Variants in LRP1B observed in about 807,000 individuals in gnomAD.
LRP1B encodes the protein low-density lipoprotein receptor-related protein 1B.
LRP1B carries 217 observed loss-of-function variants against 556.6 expected under a neutral mutation model. That is an observed-to-expected ratio of 0.39 (90% CI 0.35 to 0.44). The LOEUF (loss-of-function observed/expected upper bound fraction) is 0.44. Ranked by LOEUF, LRP1B falls within the 20% of genes least tolerant of loss-of-function variation. The pLI is 1.00. For missense variants in LRP1B, 5,053 were observed against 5,620.8 expected (o/e 0.90, Z 3.23); for synonymous variants, 2,047 against 1,865.8 (o/e 1.10, Z -2.50).
At chr2:141,801,726 AC>A (rs1696013685) in intron 2 of LRP1B, among the ~76,000 whole-genome samples, 1 of 152,138 alleles carries the variant, frequency 6.6e-6, no homozygotes, top group Non-Finnish European at 1.5e-5. Context: ...CCTTTACCCC[AC>A]CAGAAACTGG....
intron 7 of LRP1B, among the ~76,000 whole-genome samples, chr2:141,123,954 A>C (rs953695175): frequency 6.6e-6 from 1 of 152,006 alleles, no homozygotes; most frequent in African/African-American, 2.4e-5. Flanking sequence ...TGATAGAGTA[A>C]ATTGTTAGTT....
intron 7 of LRP1B, among the ~76,000 whole-genome samples, chr2:141,091,333 TAGGGAGACA>T (rs1161688555): frequency 6.6e-6 from 1 of 152,128 alleles, no homozygotes; most frequent in Non-Finnish European, 1.5e-5. Context: ...AGGGTGGTGT[TAGGGAGACA>T]AGAGGCTATC....
intron 52 of LRP1B, 97 bp downstream of exon 52, chr2:140,509,831 G>A (rs2104915889): frequency 6.7e-7 from 1 of 1,498,492 alleles, no homozygotes; most frequent in Non-Finnish European, 9.0e-7. Context: ...AACTAGGAAA[G>A]CAATGGGAAA....
chr2:141,585,360 C>T (rs1324676196), intron 2 of LRP1B, among the ~76,000 whole-genome samples: 3 of 150,662 alleles, frequency 2.0e-5, no homozygotes, highest in Non-Finnish European at 2.9e-5. Context: ...TTATTCAATG[C>T]AAAATACTCA....
At chr2:142,020,101 A>T (rs1703283839) in intron 1 of LRP1B, among the ~76,000 whole-genome samples, 1 of 152,198 alleles carries the variant, frequency 6.6e-6, no homozygotes, top group Non-Finnish European at 1.5e-5. Flanking sequence ...GGCTCACTGA[A>T]GTATCCCCAT....
rs757031546 is a variant in LRP1B, at chr2:140,813,705, C to G, written c.5311G>C (p.Glu1771Gln). ...TTTGTTAATTCTTCTTTCATTGACT[C>G]GATTACTTCTAAATTACCACCATCC... ...NLDGGNLEVI[E>Q]SMKEELTKAT... is the part of the protein sequence containing the mutation. The change falls in exon 32 of 91, where the codon GAG (glutamate) becomes CAG (glutamine). Residue 1771 changes from glutamate (E) to glutamine (Q), a missense_variant. Around this residue, in one of 5 missense-constraint regions of LRP1B, gnomAD observed 3,619 missense variants for 3,931.9 expected, o/e 0.92. Transcript: ENST00000389484. 4 of 1,613,000 alleles carry G rather than the reference C, an allele frequency of 2.5e-6. No individual in the cohort carries two copies. The highest frequency in any genetic ancestry group is 3.4e-6 in the Non-Finnish European group (4 of 1,179,176).
At chr2:140,683,203 T>G (rs1685925790) in intron 41 of LRP1B, among the ~76,000 whole-genome samples, 1 of 152,080 alleles carries the variant, frequency 6.6e-6, no homozygotes, top group Non-Finnish European at 1.5e-5. Context: ...AACAGCAGAC[T>G]GGGGAGAACA....
intron 77 of LRP1B, among the ~76,000 whole-genome samples, chr2:140,338,485 G>C (rs1681211076): frequency 6.6e-6 from 1 of 151,620 alleles, no homozygotes. Context: ...TCAACCTATG[G>C]CCAAATTAGG....
In LRP1B at chr2:141,094,947, C is replaced by T. The variant is rs548145324; in HGVS notation, c.1014-32674G>A. ...CAAAAACATGTGTTGAAAGTTTGATCCCCAGTGCAACAGTGTTGAGAGAGT... is the reference window on the plus strand; with the variant it reads ...CAAAAACATGTGTTGAAAGTTTGATTCCCAGTGCAACAGTGTTGAGAGAGT... On this transcript the variant is annotated intron_variant, in intron 7 of 90. Transcript: ENST00000389484. Among the ~76,000 whole-genome samples the T allele has an allele frequency of 3.3e-5, 5 of 152,170 alleles. No homozygotes were observed. In the South Asian group the frequency reaches 1.0e-3, roughly 32 times the overall value.
intron 77 of LRP1B, among the ~76,000 whole-genome samples, chr2:140,343,992 T>C (rs528519200): frequency 2.6e-5 from 4 of 151,652 alleles, no homozygotes; most frequent in Non-Finnish European, 5.9e-5. Context: ...TTGGAGGTCA[T>C]AGACACGTTC....
chr2:141,138,831 G>A (rs771969367), intron 7 of LRP1B, among the ~76,000 whole-genome samples: 4 of 151,502 alleles, frequency 2.6e-5, no homozygotes, highest in Non-Finnish European at 4.4e-5. Context: ...CTCTAAAGTC[G>A]GTCACACTTT....
At chr2:141,639,801 T>C (rs1008571342) in intron 2 of LRP1B, among the ~76,000 whole-genome samples, 1 of 152,086 alleles carries the variant, frequency 6.6e-6, no homozygotes. Flanking sequence ...GTAAAATTCT[T>C]AAGAGGCAGG....
intron 6 of LRP1B, among the ~76,000 whole-genome samples, chr2:141,213,524 A>G (rs1215308259): frequency 6.6e-6 from 1 of 152,134 alleles, no homozygotes; most frequent in Non-Finnish European, 1.5e-5. Context: ...GCTTTGGGAC[A>G]TGGGAAGAAA....
At chr2:140,761,994 G>C (rs891948429) in intron 35 of LRP1B, among the ~76,000 whole-genome samples, 1 of 152,026 alleles carries the variant, frequency 6.6e-6, no homozygotes, top group Admixed American at 6.6e-5. Context: ...TGATGATGAT[G>C]ATGATGATGA....
chr2:141,272,048 A>G (rs756588518), intron 3 of LRP1B, among the ~76,000 whole-genome samples: 1 of 152,076 alleles, frequency 6.6e-6, no homozygotes, highest in South Asian at 2.1e-4. Context: ...AAGAAGGTTA[A>G]TACAAAAATC....
chr2:140,498,303 G>A (rs79917227), intron 55 of LRP1B, among the ~76,000 whole-genome samples: 1,723 of 151,766 alleles, frequency 0.011, 28 homozygotes, highest in African/African-American at 0.04. Context: ...ATTTCTCTCA[G>A]GAAAATTCCT....
intron 27 of LRP1B, among the ~76,000 whole-genome samples, chr2:140,857,202 T>C (rs1276369492): frequency 1.3e-5 from 2 of 152,196 alleles, no homozygotes; most frequent in Non-Finnish European, 2.9e-5. Context: ...AATATGTATA[T>C]TTGTTTACCT....
Position 140,701,845 on chromosome 2 carries a change from T to C in LRP1B, c.6303A>G (p.Arg2101=), listed in dbSNP as rs553092353. The C allele has an allele frequency of 1.3e-5, 21 of 1,612,710 alleles. No homozygotes were observed. Among genetic ancestry groups the C allele is most frequent in the Middle Eastern group, 3.3e-4 (2 of 6,046 alleles). Residue 2101 remains arginine (R), a splice_region_variant and synonymous_variant, in exon 40 of 91, where the codon AGA becomes AGG. Coordinates refer to ENST00000389484, the MANE Select transcript of LRP1B (RefSeq NM_018557.3). ...TTCTGACAGACCCGTTTGCATGTGC[T>C]CTGCCAAAAAGTTGAACATACATGA... is the stretch of plus-strand genomic sequence containing the variant. ...VFGAYIYWSD[R]AHANGSVRRG...
chr2:140,578,804 AC>A (rs1681640830), intron 43 of LRP1B, among the ~76,000 whole-genome samples: 1 of 152,184 alleles, frequency 6.6e-6, no homozygotes, highest in African/African-American at 2.4e-5. Flanking sequence ...TTTTCTAAGT[AC>A]TTATTACTAC....
Sources: gnomAD v4.1 joint callset for allele counts (sites outside exome capture counted in the v4.1 genomes callset) on GRCh38, gnomAD v4.1.1 for gene constraint, gnomAD v4.1.1 regional missense constraint, MANE v1.5 for transcripts, NCBI Gene and HGNC (gene_info 2026-07-23, HGNC 2026-07-21) for gene names.